Variants in PSMC6 observed in about 807,000 individuals in gnomAD.
PSMC6 encodes the protein 26S proteasome regulatory subunit 10B.
In PSMC6, 3 loss-of-function variants were observed where a neutral mutation model predicts 55.9. The observed-to-expected ratio is 0.05, with a 90% CI of 0.02 to 0.14. The LOEUF (loss-of-function observed/expected upper bound fraction) is 0.14, where lower values mean the gene tolerates loss of function less well. Among genes scored for constraint, PSMC6 ranks in the 10% least tolerant of loss-of-function variants. PSMC6 has a pLI of 1.00. For synonymous variants in PSMC6, 137 were observed against 155.9 expected, an observed-to-expected ratio of 0.88 and a Z score of 0.90; for missense variants, 210 against 478.7, an observed-to-expected ratio of 0.44 and a Z score of 5.24.
chr14:52,710,976 A>T, intron 4 of PSMC6, 125 bp from the exon 5 acceptor site: 1 of 845,004 alleles, frequency 1.2e-6, no homozygotes, highest in Non-Finnish European at 2.0e-6. Flanking sequence ...TAGAGTTTAT[A>T]ATCTGATATT....
chr14:52,712,384 T>TAAAA lies in PSMC6; in HGVS notation c.441+867_441+870dup, dbSNP rs35697515. ...ACTTGAGGAAGCACTGGTCTAAGTG[T>TAAAA]AAAAAAAAAAGGCAGTTCTCACCTG... is the stretch of plus-strand genomic sequence containing the variant. On this transcript the variant is annotated intron_variant, in intron 6 of 13. Transcript: ENST00000445930. 3.6e-5 allele frequency among the ~76,000 whole-genome samples: 5 copies of TAAAA among 139,432 alleles called. 1 individual carries two copies. Among genetic ancestry groups the TAAAA allele is most frequent in the Non-Finnish European group, 6.1e-5 (4 of 65,184 alleles). The allele number at this position is 139,432 out of a possible 152,430, so 91.5% of individuals were successfully genotyped here. A position where few individuals can be genotyped will look rare whatever the true frequency, so the allele number is the denominator to read the frequency against.
chr14:52,712,390 A>C (rs987078198), intron 6 of PSMC6, among the ~76,000 whole-genome samples: 21 of 152,098 alleles, frequency 1.4e-4, no homozygotes, highest in East Asian at 1.4e-3. Context: ...AGTGTAAAAA[A>C]AAAAGGCAGT....
chr14:52,716,554 G>C (rs1035325164), intron 7 of PSMC6, among the ~76,000 whole-genome samples: 14 of 152,142 alleles, frequency 9.2e-5, no homozygotes, highest in Admixed American at 5.2e-4. Context: ...GGGAGTTCGA[G>C]ACCAGCCTGA....
Position 52,727,757 on chromosome 14 carries a change from T to G in PSMC6, c.*140T>G. On this transcript the variant is annotated 3_prime_UTR_variant, in exon 14 of 14. Coordinates refer to ENST00000445930, the MANE Select transcript of PSMC6 (RefSeq NM_002806.5). Reference sequence around the variant, plus strand: ...ATATGAGTAACATCATAAAAATTAGTAATTCAACTTTTAAGATACAGAAGA... The same window carrying G: ...ATATGAGTAACATCATAAAAATTAGGAATTCAACTTTTAAGATACAGAAGA... 1 of 526,378 alleles carries G rather than the reference T, an allele frequency of 1.9e-6. No individual in the cohort carries two copies. The highest frequency in any genetic ancestry group is 3.3e-6 in the Non-Finnish European group (1 of 300,094). The allele number at this position is 526,378 out of a possible 1,614,324, so 32.6% of individuals were successfully genotyped here. A position where few individuals can be genotyped will look rare whatever the true frequency, so the allele number is the denominator to read the frequency against.
rs931015229 is a variant in PSMC6, at chr14:52,727,988, T to C, written c.*371T>C. The C allele has an allele frequency of 6.2e-5, 11 of 176,016 alleles. No homozygotes were observed. The highest frequency in any genetic ancestry group is 1.2e-5 in the Non-Finnish European group (1 of 82,320). 10.9% of individuals were successfully genotyped at this position (176,016 alleles called of 1,614,324 possible). ...GAATAAAATCTGTTTGATTCAGTTC[T>C]CCTACATATATATTCTTGTCTTTTC... On this transcript the variant is annotated 3_prime_UTR_variant, in exon 14 of 14. Transcript: ENST00000445930.
chr14:52,710,864 G>C lies in PSMC6; in HGVS notation c.259-237G>C, dbSNP rs1029257180. On this transcript the variant is annotated intron_variant, in intron 4 of 13. Transcript: ENST00000445930. Reference sequence around the variant, plus strand: ...TTGCTGCCTCAAGCTTTGTGTGTTAGTCATTTCACATTTTACACTGAGATT... The same window carrying C: ...TTGCTGCCTCAAGCTTTGTGTGTTACTCATTTCACATTTTACACTGAGATT... 56 of 506,674 alleles carry C rather than the reference G, an allele frequency of 1.1e-4. 1 individual carries two copies. The East Asian group carries it at 2.1e-3, about 19-fold the overall frequency. 31.4% of individuals were successfully genotyped at this position (506,674 alleles called of 1,614,324 possible).
At chr14:52,720,222 C>CAAAAAAA (rs34123680) in intron 10 of PSMC6, among the ~76,000 whole-genome samples, 15 of 62,364 alleles carry the variant, frequency 2.4e-4, no homozygotes, top group South Asian at 6.6e-4. Context: ...AGTCTGTCTC[C>CAAAAAAA]AAAAAAAAAA....
At chr14:52,727,011 G>A (rs1378072087) in intron 13 of PSMC6, among the ~76,000 whole-genome samples, 2 of 136,012 alleles carry the variant, frequency 1.5e-5, no homozygotes, top group South Asian at 2.3e-4. Flanking sequence ...TCACAACACC[G>A]CTATGGATTT....
At chr14:52,718,621 A>C in intron 9 of PSMC6, 1 of 391,676 alleles carries the variant, frequency 2.6e-6, no homozygotes, top group Non-Finnish European at 4.7e-6. Flanking sequence ...CCCTGTCTCT[A>C]CTAAAAATAC....
chr14:52,726,335 C>T (rs1408473078), intron 13 of PSMC6, among the ~76,000 whole-genome samples: 1 of 152,084 alleles, frequency 6.6e-6, no homozygotes, highest in Non-Finnish European at 1.5e-5. Flanking sequence ...ATAAAAATAC[C>T]AATTTGTACA....
At chr14:52,720,735 C>A (rs1566660675) in intron 10 of PSMC6, 126 bp from the exon 11 acceptor site, 1 of 710,002 alleles carries the variant, frequency 1.4e-6, no homozygotes, top group Admixed American at 3.4e-5. Context: ...TATCAAATGA[C>A]CATTCTGAAG....
intron 13 of PSMC6, among the ~76,000 whole-genome samples, chr14:52,724,708 T>C (rs1367930916): frequency 1.3e-5 from 2 of 152,240 alleles, no homozygotes; most frequent in South Asian, 2.1e-4. Context: ...GTAAAAATTG[T>C]GTGATGCTAT....
intron 6 of PSMC6, among the ~76,000 whole-genome samples, chr14:52,712,389 A>C (rs1213137952): frequency 1.3e-5 from 2 of 151,930 alleles, no homozygotes; most frequent in Non-Finnish European, 2.9e-5. Flanking sequence ...AAGTGTAAAA[A>C]AAAAAGGCAG....
intron 10 of PSMC6, among the ~76,000 whole-genome samples, chr14:52,720,254 G>C (rs1232305813): frequency 7.5e-6 from 1 of 132,982 alleles, no homozygotes; most frequent in Non-Finnish European, 1.6e-5. Flanking sequence ...AGCAGTCCCA[G>C]CTACTCAGGA....
At chr14:52,707,415 C>T in intron 1 of PSMC6, 111 bp downstream of exon 1, 1 of 1,440,422 alleles carries the variant, frequency 6.9e-7, no homozygotes, top group South Asian at 1.3e-5. Flanking sequence ...ATGACCAGGC[C>T]TAGGGCCAGG....
intron 4 of PSMC6, among the ~76,000 whole-genome samples, chr14:52,709,278 A>G (rs535169089): frequency 6.6e-6 from 1 of 152,344 alleles, no homozygotes; most frequent in African/African-American, 2.4e-5. Context: ...TACAGTTATC[A>G]AAGATGCCAA....
intron 7 of PSMC6, among the ~76,000 whole-genome samples, chr14:52,717,189 C>G (rs2041838877): frequency 6.6e-6 from 1 of 151,956 alleles, no homozygotes; most frequent in Admixed American, 6.6e-5. Context: ...TGTTGATTTG[C>G]CTGATTTAAT....
At chr14:52,721,339 T>C (rs1005544123) in intron 12 of PSMC6, 149 bp downstream of exon 12, 45 of 671,038 alleles carry the variant, frequency 6.7e-5, no homozygotes, top group Non-Finnish European at 1.1e-4. Context: ...GCATCTACTA[T>C]AAGCTAGGAA....
intron 4 of PSMC6, chr14:52,709,698 C>A: frequency 2.7e-6 from 1 of 376,080 alleles, no homozygotes. Context: ...TATCCCTTAT[C>A]CAAAATGCTT....
Sources: allele counts gnomAD v4.1 joint callset (sites outside exome capture counted in the v4.1 genomes callset), GRCh38; gene constraint gnomAD v4.1.1; transcripts MANE v1.5; gene names NCBI Gene and HGNC (gene_info 2026-07-23, HGNC 2026-07-21).